ANKS1B: variants seen among roughly 807,000 people sequenced by gnomAD.
ANKS1B encodes the protein ankyrin repeat and sterile alpha motif domain containing 1B, also known as ankyrin repeat and sterile alpha motif domain-containing protein 1B.
Under a neutral mutation model 148.3 loss-of-function variants are expected in ANKS1B, and 36 were observed. The observed-to-expected ratio is 0.24, with a 90% CI of 0.19 to 0.32. The LOEUF (loss-of-function observed/expected upper bound fraction) is 0.32. Ranked by LOEUF, ANKS1B falls within the 10% of genes least tolerant of loss-of-function variation. ANKS1B has a pLI of 1.00. For missense variants in ANKS1B, 1,157 were observed against 1,542.6 expected (o/e 0.75, Z 4.19); for synonymous variants, 542 against 560.8 (o/e 0.97, Z 0.47).
intron 11 of ANKS1B, among the ~76,000 whole-genome samples, chr12:99,438,340 T>C (rs554379209): frequency 3.3e-5 from 5 of 151,884 alleles, no homozygotes; most frequent in Admixed American, 6.6e-5. Flanking sequence ...CTCTTCATCA[T>C]TGAATTTTAC....
At chr12:99,369,401 T>C (rs1396804626) in intron 12 of ANKS1B, among the ~76,000 whole-genome samples, 1 of 152,110 alleles carries the variant, frequency 6.6e-6, no homozygotes, top group Non-Finnish European at 1.5e-5. Flanking sequence ...ATCACAAAAA[T>C]AAATGTTGGT....
chr12:99,465,612 T>C (rs1485986226), intron 10 of ANKS1B, among the ~76,000 whole-genome samples: 1 of 151,108 alleles, frequency 6.6e-6, no homozygotes, highest in Admixed American at 6.6e-5. Flanking sequence ...ACCAAGCAAA[T>C]GGAAAACAAA....
At chr12:99,030,405 T>C (rs774136152) in intron 17 of ANKS1B, among the ~76,000 whole-genome samples, 2 of 152,118 alleles carry the variant, frequency 1.3e-5, no homozygotes, top group Non-Finnish European at 2.9e-5. Flanking sequence ...TGCCTTCCCT[T>C]TATCCTCTAT....
At chr12:99,372,494 G>T (rs2093191114) in intron 12 of ANKS1B, among the ~76,000 whole-genome samples, 1 of 152,078 alleles carries the variant, frequency 6.6e-6, no homozygotes, top group African/African-American at 2.4e-5. Flanking sequence ...TGTTTATAAA[G>T]AGAAAATGTT....
At chr12:98,783,307 G>A (rs1055472011) in intron 22 of ANKS1B, among the ~76,000 whole-genome samples, 8 of 152,230 alleles carry the variant, frequency 5.3e-5, no homozygotes, top group Admixed American at 2.0e-4. Context: ...TCTGCTGAAA[G>A]CACTGTGTTG....
At chr12:99,699,451 C>G (rs577524318) in intron 8 of ANKS1B, among the ~76,000 whole-genome samples, 35 of 152,188 alleles carry the variant, frequency 2.3e-4, no homozygotes, top group Admixed American at 2.0e-3. Flanking sequence ...CTTTTCATCC[C>G]CTTTGCCCTT....
In ANKS1B at chr12:99,824,951, T is replaced by C. The variant is rs77219865; in HGVS notation, c.215+358A>G. Among the ~76,000 whole-genome samples, 1,204 of 152,244 alleles carry C rather than the reference T, an allele frequency of 7.9e-3. 16 individuals are homozygous for C. The highest frequency in any genetic ancestry group is 0.027 in the African/African-American group (1,138 of 41,534). ...AGTTTACACTCCTAGTAAACACTCC[T>C]ATGTTGGGTGAATACAAGGAGACAC... On this transcript the variant is annotated intron_variant, in intron 2 of 26. Coordinates refer to ENST00000683438, the MANE Select transcript of ANKS1B (RefSeq NM_001352186.2).
intron 17 of ANKS1B, among the ~76,000 whole-genome samples, chr12:98,915,786 T>C (rs1043028140): frequency 2.0e-5 from 3 of 152,220 alleles, no homozygotes; most frequent in African/African-American, 7.2e-5. Flanking sequence ...ATCCTTTCAA[T>C]GAAGAAACTG....
intron 17 of ANKS1B, among the ~76,000 whole-genome samples, chr12:98,852,828 C>T (rs890128559): frequency 2.6e-5 from 4 of 151,968 alleles, no homozygotes; most frequent in Admixed American, 6.6e-5. Flanking sequence ...TTAGAAGGCT[C>T]GGGGGTGCAG....
chr12:99,138,373 T>G (rs1409264869), intron 15 of ANKS1B, among the ~76,000 whole-genome samples: 1 of 152,216 alleles, frequency 6.6e-6, no homozygotes, highest in African/African-American at 2.4e-5. Context: ...AGATTTGCTG[T>G]TGGTTTTCAG....
rs2097860457 is a variant in ANKS1B, at chr12:98,745,458, A to G, written c.*281T>C. 20 of 1,075,272 alleles carry G rather than the reference A, an allele frequency of 1.9e-5. No individual in the cohort carries two copies. Among genetic ancestry groups the G allele is most frequent in the Non-Finnish European group, 2.2e-5 (20 of 889,162 alleles). The allele number at this position is 1,075,272 out of a possible 1,614,324, so 66.6% of individuals were successfully genotyped here. ...AAGCAAGTACTGGGGCGGAGTCATC[A>G]GAAATACCTTGGGAGGTGGTGGGGA... On this transcript the variant is annotated 3_prime_UTR_variant, in exon 27 of 27. Transcript: ENST00000683438.
intron 10 of ANKS1B, among the ~76,000 whole-genome samples, chr12:99,503,486 T>A (rs765577229): frequency 2.6e-4 from 39 of 152,204 alleles, no homozygotes; most frequent in Admixed American, 4.6e-4. Context: ...TTATTCTTTA[T>A]CTTCAATACC....
At chr12:99,865,810 G>C (rs1289606954) in intron 1 of ANKS1B, among the ~76,000 whole-genome samples, 2 of 152,046 alleles carry the variant, frequency 1.3e-5, no homozygotes, top group East Asian at 3.9e-4. Context: ...ATTTCCCAGT[G>C]AACATTTGTG....
intron 14 of ANKS1B, among the ~76,000 whole-genome samples, chr12:99,207,461 T>C (rs2082818969): frequency 6.6e-6 from 1 of 152,138 alleles, no homozygotes; most frequent in South Asian, 2.1e-4. Context: ...ATGTATACAC[T>C]TTGATATCTT....
chr12:99,468,407 AG>A (rs2096172961), intron 10 of ANKS1B, among the ~76,000 whole-genome samples: 2 of 152,244 alleles, frequency 1.3e-5, no homozygotes, highest in Admixed American at 1.3e-4. Flanking sequence ...AAACAGCAAA[AG>A]CAATGGCAAC....
intron 1 of ANKS1B, among the ~76,000 whole-genome samples, chr12:99,947,251 A>T (rs1166565851): frequency 1.0e-5 from 1 of 100,224 alleles, no homozygotes; most frequent in East Asian, 2.0e-4. Flanking sequence ...ATCATAAAGT[A>T]ATACAAAAAA....
At chr12:99,022,447 A>G (rs1349508539) in intron 17 of ANKS1B, among the ~76,000 whole-genome samples, 1 of 152,188 alleles carries the variant, frequency 6.6e-6, no homozygotes, top group Non-Finnish European at 1.5e-5. Context: ...ATTGTCATTA[A>G]CTAATATACA....
intron 10 of ANKS1B, among the ~76,000 whole-genome samples, chr12:99,493,690 T>G (rs1335477355): frequency 2.0e-5 from 3 of 152,152 alleles, no homozygotes; most frequent in Non-Finnish European, 4.4e-5. Flanking sequence ...AATCATTTAC[T>G]GAGATGAGAA....
rs2097829313 is a variant in ANKS1B at position 98,744,042 on chromosome 12, A to G, written c.*1697T>C. On this transcript the variant is annotated 3_prime_UTR_variant, in exon 27 of 27. Coordinates refer to ENST00000683438, the MANE Select transcript of ANKS1B (RefSeq NM_001352186.2). The stretch of plus-strand genomic sequence containing the variant: ...GATATAAATAATGACAAAAATTACA[A>G]AATTTATAACTGGAAGCCCAAGCTT... 1.0e-6 allele frequency: 1 copy of G among 983,618 alleles called. No homozygotes were observed. Among genetic ancestry groups the G allele is most frequent in the South Asian group, 4.7e-5 (1 of 21,232 alleles). The allele number at this position is 983,618 out of a possible 1,614,324, so 60.9% of individuals were successfully genotyped here.
Sources: allele counts gnomAD v4.1 joint callset (sites outside exome capture counted in the v4.1 genomes callset), GRCh38; gene constraint gnomAD v4.1.1; transcripts MANE v1.5; gene names NCBI Gene and HGNC (gene_info 2026-07-23, HGNC 2026-07-21).